The following DPAGT1 variants were observed in gnomAD, a reference collection of about 807,000 sequenced individuals.
DPAGT1 encodes the protein dolichyl-phosphate N-acetylglucosaminephosphotransferase 1.
A neutral mutation model predicts 39.3 loss-of-function variants in DPAGT1; 25 were observed. The ratio of observed to expected loss-of-function variants is 0.64; its 90% confidence interval spans 0.46 to 0.89. The LOEUF is 0.89. Among genes scored for constraint, DPAGT1 ranks in the 40% least tolerant of loss-of-function variants. The probability of loss-of-function intolerance (pLI) is 0.00; values close to 1 mark genes in which losing one functional copy is unlikely to be tolerated. For missense variants in DPAGT1, 381 were observed against 500.6 expected (o/e 0.76, Z 2.28); for synonymous variants, 193 against 201.4 (o/e 0.96, Z 0.36).
At chr11:119,094,059 G>C (rs1285661977), downstream of DPAGT1, 1 of 152,736 alleles carries the variant, frequency 6.5e-6, no homozygotes, top group Admixed American at 6.5e-5. Flanking sequence ...GAGTTTGCTG[G>C]AAGGGAAATG....
downstream of DPAGT1, among the ~76,000 whole-genome samples, chr11:119,096,258 G>A (rs1241360674): frequency 2.0e-5 from 3 of 152,118 alleles, no homozygotes; most frequent in African/African-American, 4.8e-5. Flanking sequence ...CACTGCACCC[G>A]GTGACTCTTT....
Position 119,096,773 on chromosome 11 carries a change from A to G in DPAGT1, c.*225T>C. On this transcript the variant is annotated 3_prime_UTR_variant, in exon 9 of 9. Transcript: ENST00000354202. ...ATGGGATGGAGAGGGAGAGAGTAGC[A>G]AGTTGCAGAAAGCCATAGGTAAAAT... The G allele has an allele frequency of 3.3e-6, 2 of 606,102 alleles. No individual in the cohort carries two copies. The highest frequency in any genetic ancestry group is 1.8e-5 in the African/African-American group (1 of 54,126). The allele number at this position is 606,102 out of a possible 1,614,324, so 37.5% of individuals were successfully genotyped here. A position where few individuals can be genotyped will look rare whatever the true frequency, so the allele number is the denominator to read the frequency against.
rs771413554 is a variant in DPAGT1, at chr11:119,097,049, G to A, written c.1176C>T (p.Ala392=). The A allele has an allele frequency of 7.2e-5, 117 of 1,613,922 alleles. 1 individual carries two copies. The highest frequency in any genetic ancestry group is 1.6e-4 in the Middle Eastern group (1 of 6,084). Residue 392 remains alanine, a synonymous_variant, in exon 9 of 9, where the codon GCC becomes GCT. Transcript: ENST00000354202. The surrounding 1 kb of genome is among the most constrained non-coding windows in gnomAD (Gnocchi z 4.6). ...LLLLLQILGS[A]ITFSIRYQLV... The stretch of plus-strand genomic sequence containing the variant: ...GCTGATATCGAATGGAGAAGGTGAT[G>A]GCACTGCCCAGGATCTGCAAGGAGA...
At position 119,097,007 on chromosome 11, in the gene DPAGT1, A is replaced by G; in HGVS notation, c.1218T>C (p.Tyr406=). Residue 406 remains tyrosine (Y), a synonymous_variant, in exon 9 of 9, where the codon TAT becomes TAC. Transcript: ENST00000354202. The surrounding 1 kb of genome is among the most constrained non-coding windows in gnomAD (Gnocchi z 4.6). The part of the protein sequence containing the change: ...SIRYQLVRLF[Y]DV Reference sequence around the variant, plus strand: ...ACAATGATCAAGGGACTCAGACATCATAGAAGAGTCGAACGAGCTGATATC... The same window carrying G: ...ACAATGATCAAGGGACTCAGACATCGTAGAAGAGTCGAACGAGCTGATATC... The G allele has an allele frequency of 1.8e-5, 29 of 1,614,212 alleles. No homozygotes were observed. The highest frequency in any genetic ancestry group is 2.4e-5 in the Non-Finnish European group (28 of 1,180,034).
At position 119,097,362 on chromosome 11, in the gene DPAGT1, T is replaced by C; in HGVS notation, c.1006-65A>G. On this transcript the variant is annotated intron_variant, in intron 7 of 8. Coordinates refer to ENST00000354202, the MANE Select transcript of DPAGT1 (RefSeq NM_001382.4). This position sits in a 1 kb window ranked among gnomAD's most constrained non-coding sequence, Gnocchi z 4.6. ...TATGCTTTAGGAATGTGGATCTATT[T>C]AATGCTTTCAAGTTCCCCTTGGATC... 1 of 1,613,350 alleles carries C rather than the reference T, an allele frequency of 6.2e-7. No homozygotes were observed. The highest frequency in any genetic ancestry group is 1.1e-5 in the South Asian group (1 of 91,056).
rs1342820227 is a variant in DPAGT1, at chr11:119,100,936, C to T, written c.282+82G>A. 7.4e-6 allele frequency: 12 copies of T among 1,613,706 alleles called. No individual in the cohort carries two copies. In the African/African-American group the frequency reaches 8.0e-5, roughly 11 times the overall value. ...TTTTCTGATAATTTCTTAGCCCCTC[C>T]CCACAAGCCCAAATAACCCCAGTTC... is the stretch of plus-strand genomic sequence containing the variant. On this transcript the variant is annotated intron_variant, in intron 2 of 8. Coordinates refer to ENST00000354202, the MANE Select transcript of DPAGT1 (RefSeq NM_001382.4).
chr11:119,094,729 A>C, downstream of DPAGT1: 1 of 424,334 alleles, frequency 2.4e-6, no homozygotes, highest in East Asian at 4.0e-5. Context: ...GACGGCGGAC[A>C]GGGCAGGGCC....
Position 119,097,245 on chromosome 11 carries a change from C to G in DPAGT1, c.1058G>C (p.Gly353Ala). ...CATGTTGTTACATTCAGTGAATTCA[C>G]CATCTTCAGTCTCACTCTGGTGTAC... ...VTVHQSETED[G>A]EFTECNNMTL... Residue 353 changes from glycine to alanine, a missense_variant, in exon 8 of 9, where the codon GGT becomes GCT. Physicochemically the swap from Gly to Ala is moderately conservative, Grantham distance 60. Coordinates refer to ENST00000354202, the MANE Select transcript of DPAGT1 (RefSeq NM_001382.4). The surrounding 1 kb of genome is among the most constrained non-coding windows in gnomAD (Gnocchi z 4.6). The G allele has an allele frequency of 6.2e-7, 1 of 1,614,220 alleles. No individual in the cohort carries two copies. The highest frequency in any genetic ancestry group is 8.5e-7 in the Non-Finnish European group (1 of 1,180,034).
chr11:119,098,483 A>G lies in DPAGT1; in HGVS notation c.648T>C (p.Asp216=). ...GGGAAAAGACATGATCATCCCGACA[A>G]TCACCTTTGGAAGCAAGGAAGAAAG... ...IVFNLVELEG[D]CRDDHVFSLY... Residue 216 remains aspartate, a synonymous_variant, in exon 5 of 9, where the codon GAT becomes GAC. Transcript: ENST00000354202. The G allele has an allele frequency of 3.7e-6, 6 of 1,614,178 alleles. No individual in the cohort carries two copies. The highest frequency in any genetic ancestry group is 5.1e-6 in the Non-Finnish European group (6 of 1,179,996).
rs604714 is a variant in DPAGT1 at position 119,099,986 on chromosome 11, C to A, written c.643+276G>T. On this transcript the variant is annotated intron_variant, in intron 4 of 8. Coordinates refer to ENST00000354202, the MANE Select transcript of DPAGT1 (RefSeq NM_001382.4). ...TTGCTCCATCACGGTCACAGAATGA[C>A]CCTGTGTAACGTTGGGGTTCTGTGA... Among the ~76,000 whole-genome samples, 47,251 of 151,698 alleles carry A rather than the reference C, an allele frequency of 0.31. 7,934 individuals carry two copies. The highest frequency in any genetic ancestry group is 0.49 in the East Asian group (2,518 of 5,152).
rs1428416523 is a variant in DPAGT1 at position 119,096,761 on chromosome 11, GGA to G, written c.*235_*236del. 7 of 592,460 alleles carry G rather than the reference GGA, an allele frequency of 1.2e-5. No individual in the cohort carries two copies. The highest frequency in any genetic ancestry group is 1.1e-4 in the African/African-American group (6 of 53,846). The allele number at this position is 592,460 out of a possible 1,614,324, so 36.7% of individuals were successfully genotyped here. ...GAGGCTGCAAAGATGGGATGGAGAG[GGA>G]GAGAGTAGCAAGTTGCAGAAAGCCA... is the stretch of plus-strand genomic sequence containing the variant. On this transcript the variant is annotated 3_prime_UTR_variant, in exon 9 of 9. Transcript: ENST00000354202.
chr11:119,101,796 C>T lies in DPAGT1; in HGVS notation c.-141G>A. On this transcript the variant is annotated 5_prime_UTR_variant, in exon 1 of 9. Transcript: ENST00000354202. ...CACCAATCTGAGCAAAACCCAGCAACTCTGACTTGAGCCGCCGTCGGGACA... is the reference window on the plus strand; with the variant it reads ...CACCAATCTGAGCAAAACCCAGCAATTCTGACTTGAGCCGCCGTCGGGACA... 6.5e-7 allele frequency: 1 copy of T among 1,536,706 alleles called. No homozygotes were observed. Among genetic ancestry groups the T allele is most frequent in the East Asian group, 2.4e-5 (1 of 40,934 alleles).
chr11:119,100,041 T>C (rs914246795), intron 4 of DPAGT1, among the ~76,000 whole-genome samples: 4 of 152,218 alleles, frequency 2.6e-5, no homozygotes, highest in African/African-American at 9.6e-5. Context: ...GAGAAGATCA[T>C]GGCCTAGCTA....
Position 119,100,659 on chromosome 11 carries a change from C to A in DPAGT1, c.467G>T (p.Arg156Leu). The A allele has an allele frequency of 6.2e-7, 1 of 1,614,002 alleles. No homozygotes were observed. Among genetic ancestry groups the A allele is most frequent in the East Asian group, 2.2e-5 (1 of 44,878 alleles). ...NTTIVVPKPF[R>L]PILGLHLDLG... ...GTCCAGATGCAGGCCAAGTATCGGGCGGAAGGGCTTGGGCACCACAATGGT... is the reference window on the plus strand; with the variant it reads ...GTCCAGATGCAGGCCAAGTATCGGGAGGAAGGGCTTGGGCACCACAATGGT... The change falls in exon 3 of 9, where the codon CGC becomes CTC. Residue 156 changes from arginine (R) to leucine (L), a missense_variant. Arg to Leu is a moderately radical substitution (Grantham distance 102). Transcript: ENST00000354202.
At chr11:119,098,683 A>G (rs1946441735) in intron 4 of DPAGT1, among the ~76,000 whole-genome samples, 196 bp from the exon 5 acceptor site, 1 of 152,170 alleles carries the variant, frequency 6.6e-6, no homozygotes, top group African/African-American at 2.4e-5. Flanking sequence ...CTTCCAAACT[A>G]GTTACTATCT....
chr11:119,095,227 C>T (rs552274055), downstream of DPAGT1: 12 of 1,613,956 alleles, frequency 7.4e-6, no homozygotes, highest in African/African-American at 1.6e-4. Context: ...TGAGGTACTC[C>T]AGCACTGCCG....
Position 119,097,569 on chromosome 11 carries a change from C to G in DPAGT1, c.918-18G>C. The stretch of plus-strand genomic sequence containing the variant: ...TATTGAGTCTGCGGGGGGAAGATAG[C>G]TTCATGTGACTGGGCCACTATTTGA... On this transcript the variant is annotated intron_variant, in intron 6 of 8. Transcript: ENST00000354202. This position sits in a 1 kb window ranked among gnomAD's most constrained non-coding sequence, Gnocchi z 4.6. 1 of 1,613,700 alleles carries G rather than the reference C, an allele frequency of 6.2e-7. No homozygotes were observed. The highest frequency in any genetic ancestry group is 8.5e-7 in the Non-Finnish European group (1 of 1,179,620).
At chr11:119,098,312 G>A in intron 5 of DPAGT1, 91 bp downstream of exon 5, 1 of 1,413,712 alleles carries the variant, frequency 7.1e-7, no homozygotes, top group Non-Finnish European at 1.0e-6. Context: ...GTATGCGCAG[G>A]TTTAGCTTCA....
At position 119,100,450 on chromosome 11, in the gene DPAGT1, GGGA is replaced by G. The variant is rs777262277; in HGVS notation, c.497-45_497-43del. On this transcript the variant is annotated intron_variant, in intron 3 of 8. Coordinates refer to ENST00000354202, the MANE Select transcript of DPAGT1 (RefSeq NM_001382.4). ...TAGGAAAAGAAGTAGTGCCACCTAG[GGGA>G]GGAGGATTTAAGAATTTTTAGAAAA... The G allele has an allele frequency of 1.9e-6, 3 of 1,613,936 alleles. No homozygotes were observed. In the Admixed American group the frequency reaches 5.0e-5, roughly 27 times the overall value.
Sources: gnomAD v4.1 joint callset for allele counts (sites outside exome capture counted in the v4.1 genomes callset) on GRCh38, gnomAD v4.1.1 for gene constraint, Gnocchi (gnomAD v3.1) non-coding constraint, MANE v1.5 for transcripts, NCBI Gene and HGNC (gene_info 2026-07-23, HGNC 2026-07-21) for gene names.